The following NCKAP5 variants were observed in gnomAD, a reference collection of about 807,000 sequenced individuals.
NCKAP5 encodes the protein nck-associated protein 5.
In NCKAP5, 92 loss-of-function variants were observed where a neutral mutation model predicts 167.0. The ratio of observed to expected loss-of-function variants is 0.55; its 90% confidence interval spans 0.47 to 0.66. The LOEUF is 0.66. Among genes scored for constraint, NCKAP5 ranks in the 30% least tolerant of loss-of-function variants. The pLI, the probability that NCKAP5 is intolerant of heterozygous loss-of-function variation, is 0.00. For synonymous variants in NCKAP5, 891 were observed against 877.4 expected (o/e 1.02, Z -0.27); for missense variants, 2,378 against 2,315.0 (o/e 1.03, Z -0.56).
At chr2:132,728,293 C>T (rs549871233) in intron 18 of NCKAP5, among the ~76,000 whole-genome samples, 6 of 152,228 alleles carry the variant, frequency 3.9e-5, no homozygotes, top group South Asian at 2.1e-4. Context: ...TCAGGAGTTC[C>T]GTGTGTGTCA....
intron 3 of NCKAP5, among the ~76,000 whole-genome samples, chr2:133,481,231 C>T (rs1188677625): frequency 3.9e-5 from 6 of 152,230 alleles, no homozygotes; most frequent in Non-Finnish European, 5.9e-5. Context: ...CAGTGATTCA[C>T]GGTGTTTCTG....
chr2:132,865,960 T>C (rs1690315003), intron 10 of NCKAP5, among the ~76,000 whole-genome samples: 1 of 152,180 alleles, frequency 6.6e-6, no homozygotes, highest in African/African-American at 2.4e-5. Flanking sequence ...AGACCACTGC[T>C]AGAGAAGTGG....
chr2:133,213,704 G>C lies in NCKAP5; in HGVS notation c.207+12C>G, dbSNP rs1367857657. ...GATGTTGTGGAATGAGGGGACGGCA[G>C]TCAGGACTTACCATGGCCCCCTCAC... On this transcript the variant is annotated intron_variant, in intron 5 of 19. Transcript: ENST00000409261. The C allele has an allele frequency of 5.0e-6, 8 of 1,613,370 alleles. No homozygotes were observed. In the African/African-American group the frequency reaches 1.1e-4, roughly 22 times the overall value.
chr2:133,177,162 T>TTATATATATA (rs1297288847), intron 5 of NCKAP5, among the ~76,000 whole-genome samples: 5 of 26,322 alleles, frequency 1.9e-4, no homozygotes, highest in Non-Finnish European at 2.0e-4. Flanking sequence ...AGGTTTTGTT[T>TTATATATATA]TCTATATATA....
At chr2:133,390,718 T>C (rs74436601) in intron 3 of NCKAP5, among the ~76,000 whole-genome samples, 3,115 of 152,202 alleles carry the variant, frequency 0.02, 100 homozygotes, top group African/African-American at 0.071. Context: ...TAGACGCCTA[T>C]GTAGAAGTGT....
chr2:133,234,921 C>T (rs2087327044), intron 4 of NCKAP5, among the ~76,000 whole-genome samples: 1 of 145,110 alleles, frequency 6.9e-6, no homozygotes. Context: ...AGACTTATGA[C>T]CCTGGTTGTT....
intron 15 of NCKAP5, among the ~76,000 whole-genome samples, chr2:132,776,510 C>T (rs1042591473): frequency 1.3e-5 from 2 of 152,154 alleles, no homozygotes; most frequent in Non-Finnish European, 2.9e-5. Context: ...AGCCCCCTGG[C>T]TCTTTCAGCT....
rs1359216478 is a variant in NCKAP5 at position 132,785,513 on chromosome 2, T to A, written c.1298A>T (p.Asn433Ile). The A allele has an allele frequency of 6.2e-7, 1 of 1,611,370 alleles. No homozygotes were observed. The highest frequency in any genetic ancestry group is 1.7e-5 in the Admixed American group (1 of 59,738). ...AATTCCAGGAGAATATATTCCTTCA[T>A]TCGAGTTCATGCAATCTTTATAACC... is the stretch of plus-strand genomic sequence containing the variant. Reference protein sequence around the residue: ...KWGYKDCMNSNEGIYSPGIKS... With the variant: ...KWGYKDCMNSIEGIYSPGIKS... Residue 433 changes from asparagine (N) to isoleucine (I), a missense_variant, in exon 14 of 20, where the codon AAT becomes ATT. Around this residue, in one of 3 missense-constraint regions of NCKAP5, gnomAD observed 1,049 missense variants for 1,023.4 expected, o/e 1.02. Coordinates refer to ENST00000409261, the MANE Select transcript of NCKAP5 (RefSeq NM_207363.3).
intron 3 of NCKAP5, among the ~76,000 whole-genome samples, chr2:133,489,004 A>T (rs1309104946): frequency 2.0e-5 from 3 of 152,158 alleles, no homozygotes; most frequent in African/African-American, 7.2e-5. Flanking sequence ...CAGGAGGATC[A>T]TTTGAGACTA....
chr2:132,971,717 A>G (rs1201884550), intron 7 of NCKAP5, among the ~76,000 whole-genome samples: 3 of 152,182 alleles, frequency 2.0e-5, no homozygotes, highest in African/African-American at 7.2e-5. Flanking sequence ...TACTTCCTCT[A>G]ACAGTGACAA....
chr2:133,098,468 G>T (rs2081409015), intron 6 of NCKAP5, among the ~76,000 whole-genome samples: 1 of 152,116 alleles, frequency 6.6e-6, no homozygotes, highest in Admixed American at 6.5e-5. Flanking sequence ...ATTTTAAAGT[G>T]TTGACATTTT....
chr2:133,200,061 C>CTTCTTT (rs2085611703), intron 5 of NCKAP5, among the ~76,000 whole-genome samples: 1 of 109,396 alleles, frequency 9.1e-6, no homozygotes, highest in Non-Finnish European at 1.8e-5. Flanking sequence ...TTTTTTCTTT[C>CTTCTTT]TTTTTTTTTT....
chr2:133,335,445 T>C (rs1012503543), intron 3 of NCKAP5, among the ~76,000 whole-genome samples: 1 of 152,180 alleles, frequency 6.6e-6, no homozygotes, highest in Non-Finnish European at 1.5e-5. Flanking sequence ...AGCGAAAATT[T>C]TGGATATTAC....
chr2:132,750,243 G>A (rs999209686), intron 16 of NCKAP5, among the ~76,000 whole-genome samples: 5 of 152,064 alleles, frequency 3.3e-5, no homozygotes, highest in South Asian at 4.1e-4. Context: ...TTCAGGAAGC[G>A]TAAGGAAGAC....
At chr2:132,952,118 G>A (rs779808435) in intron 8 of NCKAP5, among the ~76,000 whole-genome samples, 17 of 151,924 alleles carry the variant, frequency 1.1e-4, no homozygotes, top group Non-Finnish European at 1.8e-4. Context: ...TTTATGCTCT[G>A]TGAAAAAAAA....
At chr2:132,789,951 C>G (rs796551431) in intron 13 of NCKAP5, 72 bp downstream of exon 13, 1 of 1,466,438 alleles carries the variant, frequency 6.8e-7, no homozygotes, top group African/African-American at 1.4e-5. Flanking sequence ...CCCACCTGCC[C>G]TTCATCTCCA....
chr2:133,509,401 G>A lies in NCKAP5; in HGVS notation c.69+8057C>T, dbSNP rs200091750. ...ACTAGAATCATCCTTGGGCAAACCT[G>A]AAGAGCAGCATGCCATTTCCTCTCT... On this transcript the variant is annotated intron_variant, in intron 3 of 19. Transcript: ENST00000409261. Among the ~76,000 whole-genome samples the A allele has an allele frequency of 5.9e-5, 9 of 152,240 alleles. No homozygotes were observed. The East Asian group carries it at 1.7e-3, about 29-fold the overall frequency.
At position 133,469,524 on chromosome 2, in the gene NCKAP5, A is replaced by G. The variant is rs889960328; in HGVS notation, c.69+47934T>C. Among the ~76,000 whole-genome samples, 65 of 151,550 alleles carry G rather than the reference A, an allele frequency of 4.3e-4. 1 individual carries two copies. Among genetic ancestry groups the G allele is most frequent in the African/African-American group, 1.3e-3 (52 of 41,246 alleles). On this transcript the variant is annotated intron_variant, in intron 3 of 19. Coordinates refer to ENST00000409261, the MANE Select transcript of NCKAP5 (RefSeq NM_207363.3). The stretch of plus-strand genomic sequence containing the variant: ...TCTTCTCGAGGAGTATCTTTGTGGC[A>G]CTCTCTGTATTTCCTGAATCTGAAT...
chr2:133,664,159 CTT>C, the NCKAP5 span, among the ~76,000 whole-genome samples: 7 of 149,966 alleles, frequency 4.7e-5, no homozygotes, highest in East Asian at 5.9e-4. Flanking sequence ...TGAAAGTAAT[CTT>C]TTTTTTTTTC....
Sources: gnomAD v4.1 joint callset for allele counts (sites outside exome capture counted in the v4.1 genomes callset) on GRCh38, gnomAD v4.1.1 for gene constraint, gnomAD v4.1.1 regional missense constraint, MANE v1.5 for transcripts, NCBI Gene and HGNC (gene_info 2026-07-23, HGNC 2026-07-21) for gene names.